Variants in C18orf54 observed in about 807,000 individuals in gnomAD.
C18orf54 encodes lung adenoma susceptibility protein 2.
C18orf54 carries 49 observed loss-of-function variants against 49.3 expected under a neutral mutation model. That is an observed-to-expected ratio of 0.99 (90% CI 0.79 to 1.26). The LOEUF is 1.26. Among genes scored for constraint, C18orf54 ranks in the 50% most tolerant of loss-of-function variants. The pLI, the probability that C18orf54 is intolerant of heterozygous loss-of-function variation, is 0.00. For synonymous variants in C18orf54, 211 were observed against 216.6 expected (o/e 0.97, Z 0.23); for missense variants, 687 against 620.6 (o/e 1.11, Z -1.14).
At chr18:54,377,568 C>T (rs532842998) in intron 8 of C18orf54, among the ~76,000 whole-genome samples, 2 of 152,142 alleles carry the variant, frequency 1.3e-5, no homozygotes, top group East Asian at 3.9e-4. Context: ...GAGTTTTCTC[C>T]ACTGAGACCT....
At position 54,360,868 on chromosome 18, in the gene C18orf54, T is replaced by C; in HGVS notation, c.283+13T>C. ...AAACCAAACAATGGTATGCTTTTAT[T>C]CTTTGTTTTCTTTGTGTTCAGATGT... On this transcript the variant is annotated intron_variant, in intron 3 of 8. Coordinates refer to ENST00000620105, the MANE Select transcript of C18orf54 (RefSeq NM_001288980.2). 1 of 1,595,104 alleles carries C rather than the reference T, an allele frequency of 6.3e-7. No individual in the cohort carries two copies. The highest frequency in any genetic ancestry group is 8.6e-7 in the Non-Finnish European group (1 of 1,167,938).
chr18:54,362,497 A>T, intron 4 of C18orf54, 66 bp downstream of exon 4: 1 of 1,304,318 alleles, frequency 7.7e-7, no homozygotes, highest in Non-Finnish European at 1.0e-6. Flanking sequence ...GAAGTGCTGT[A>T]AAGTTGATGT....
At chr18:54,366,589 A>T (rs1359568927) in intron 6 of C18orf54, among the ~76,000 whole-genome samples, 1 of 152,060 alleles carries the variant, frequency 6.6e-6, no homozygotes. Flanking sequence ...GCTGCAGTAA[A>T]CATCAGTAAA....
At chr18:54,372,374 A>T in intron 6 of C18orf54, 92 bp from the exon 7 acceptor site, 1 of 1,197,152 alleles carries the variant, frequency 8.4e-7, no homozygotes, top group Non-Finnish European at 1.1e-6. Flanking sequence ...GTTTTACATT[A>T]ATTTTCTATT....
intron 6 of C18orf54, among the ~76,000 whole-genome samples, chr18:54,370,322 A>C (rs1049311088): frequency 1.3e-5 from 2 of 152,112 alleles, no homozygotes; most frequent in Admixed American, 1.3e-4. Flanking sequence ...AAGTATTTAC[A>C]TACTGTTGAC....
In C18orf54 at chr18:54,362,412, A is replaced by G. The variant is rs747511527; in HGVS notation, c.1053A>G (p.Gln351=). The change falls in exon 4 of 9, where the codon CAA becomes CAG. Residue 351 remains glutamine (Q), a synonymous_variant. Coordinates refer to ENST00000620105, the MANE Select transcript of C18orf54 (RefSeq NM_001288980.2). ...CQCENPLLPG[Q]STKPFSGDKI... ...GTGAGAATCCACTTCTCCCAGGACA[A>G]TCCACAAAGCCATTCAGTGGTAATA... 2.6e-6 allele frequency: 4 copies of G among 1,521,920 alleles called. No homozygotes were observed. The highest frequency in any genetic ancestry group is 2.6e-6 in the Non-Finnish European group (3 of 1,139,560). The allele number at this position is 1,521,920 out of a possible 1,614,324, so 94.3% of individuals were successfully genotyped here. A position where few individuals can be genotyped will look rare whatever the true frequency, so the allele number is the denominator to read the frequency against.
chr18:54,367,183 T>C (rs920120850), intron 6 of C18orf54, among the ~76,000 whole-genome samples: 2 of 152,166 alleles, frequency 1.3e-5, no homozygotes, highest in African/African-American at 2.4e-5. Context: ...AGTGAGGACG[T>C]ATTCCTGTCA....
In C18orf54 at chr18:54,361,697, A is replaced by G; in HGVS notation, c.338A>G (p.His113Arg). The change falls in exon 4 of 9, where the codon CAC (histidine) becomes CGC (arginine). Residue 113 changes from histidine to arginine, a missense_variant. By Grantham distance (29) the His-to-Arg change is conservative. Coordinates refer to ENST00000620105, the MANE Select transcript of C18orf54 (RefSeq NM_001288980.2). ...TCAAACTTCATATCCTGTAGAAGAC[A>G]CACCGTTAATGACATAGACTCCATG... is the stretch of plus-strand genomic sequence containing the variant. ...KHSNFISCRR[H>R]TVNDIDSMSL... The G allele has an allele frequency of 2.5e-6, 4 of 1,613,218 alleles. No individual in the cohort carries two copies. Among genetic ancestry groups the G allele is most frequent in the Non-Finnish European group, 3.4e-6 (4 of 1,179,702 alleles).
rs753738818 is a variant in C18orf54, at chr18:54,370,495, C to T, written c.1327-1971C>T. Among the ~76,000 whole-genome samples, 6 of 152,166 alleles carry T rather than the reference C, an allele frequency of 3.9e-5. No individual in the cohort carries two copies. The East Asian group carries it at 7.7e-4, about 20-fold the overall frequency. ...TGGAAACAGTCTCCCAAGAAAACAG[C>T]GATGACTATATATTGGGTTGTCCTC... is the stretch of plus-strand genomic sequence containing the variant. On this transcript the variant is annotated intron_variant, in intron 6 of 8. Transcript: ENST00000620105.
intron 8 of C18orf54, among the ~76,000 whole-genome samples, chr18:54,376,283 A>G (rs1045921438): frequency 6.6e-6 from 1 of 152,212 alleles, no homozygotes; most frequent in Non-Finnish European, 1.5e-5. Context: ...CAGTTTTCTT[A>G]TATTCTTCAA....
chr18:54,376,454 C>T (rs1033107749), intron 8 of C18orf54, among the ~76,000 whole-genome samples: 15 of 151,930 alleles, frequency 9.9e-5, no homozygotes, highest in Admixed American at 3.3e-4. Context: ...CTGCCTCGGC[C>T]TTCCAAAGTG....
At chr18:54,366,495 G>A (rs939623104) in intron 6 of C18orf54, among the ~76,000 whole-genome samples, 9 of 151,940 alleles carry the variant, frequency 5.9e-5, no homozygotes, top group African/African-American at 2.2e-4. Flanking sequence ...ATATTCTGTT[G>A]TCTATATATG....
chr18:54,376,225 A>G (rs563829337), intron 8 of C18orf54, among the ~76,000 whole-genome samples: 3 of 152,346 alleles, frequency 2.0e-5, no homozygotes, highest in African/African-American at 4.8e-5. Flanking sequence ...CATTAGCCAT[A>G]GGGAACTGTA....
rs763815435 is a variant in C18orf54 at position 54,361,622 on chromosome 18, A to G, written c.284-21A>G. The G allele has an allele frequency of 3.5e-5, 55 of 1,558,380 alleles. No homozygotes were observed. In the Middle Eastern group the frequency reaches 6.9e-4, roughly 20 times the overall value. ...ATAAAATATTTGTATGTAATAAACA[A>G]AACTGTTCTTCGTTTTTCAGCTTTT... On this transcript the variant is annotated intron_variant, in intron 3 of 8. Transcript: ENST00000620105.
chr18:54,374,249 G>A lies in C18orf54; in HGVS notation c.1494G>A (p.Lys498=), dbSNP rs2089534538. ...SEDDFSKLQL[K]ESMIPITRSL... is the part of the protein sequence containing the mutation. ...ATGATTTCTCTAAATTACAGTTGAAGGAAAGTATGATTCCTATTACTAGGT... is the reference window on the plus strand; with the variant it reads ...ATGATTTCTCTAAATTACAGTTGAAAGAAAGTATGATTCCTATTACTAGGT... The change falls in exon 8 of 9, where the codon AAG becomes AAA. Residue 498 remains lysine (K), a synonymous_variant. Coordinates refer to ENST00000620105, the MANE Select transcript of C18orf54 (RefSeq NM_001288980.2). 6.3e-7 allele frequency: 1 copy of A among 1,583,856 alleles called. No individual in the cohort carries two copies. The highest frequency in any genetic ancestry group is 1.4e-5 in the African/African-American group (1 of 73,984).
In C18orf54 at chr18:54,362,334, T is replaced by C. The variant is rs142068230; in HGVS notation, c.975T>C (p.Asp325=). The C allele has an allele frequency of 2.9e-3, 4,434 of 1,535,992 alleles. 14 individuals carry two copies. The highest frequency in any genetic ancestry group is 3.7e-3 in the Non-Finnish European group (4,214 of 1,146,746). ...PSNFSNSLSD[D]KELVNEYKCD... ...ACTTTTCAAATTCCTTGAGTGATGATAAAGAATTAGTTAATGAATACAAAT... is the reference window on the plus strand; with the variant it reads ...ACTTTTCAAATTCCTTGAGTGATGACAAAGAATTAGTTAATGAATACAAAT... Residue 325 remains aspartate, a synonymous_variant, in exon 4 of 9, where the codon GAT becomes GAC. Transcript: ENST00000620105.
intron 5 of C18orf54, among the ~76,000 whole-genome samples, chr18:54,364,306 G>A (rs2089335804): frequency 6.6e-6 from 1 of 152,044 alleles, no homozygotes; most frequent in Non-Finnish European, 1.5e-5. Context: ...GGGCAAGCAA[G>A]TAGTATCAGA....
At chr18:54,371,499 A>G (rs981948331) in intron 6 of C18orf54, among the ~76,000 whole-genome samples, 1 of 152,108 alleles carries the variant, frequency 6.6e-6, no homozygotes, top group Non-Finnish European at 1.5e-5. Flanking sequence ...TCTTTTGGAT[A>G]TATACCTAAG....
chr18:54,362,903 A>T lies in C18orf54; in HGVS notation c.1205A>T (p.Glu402Val). The part of the protein sequence containing the change: ...LDKLEADRSW[E>V]NIPVTFKSPV... ...AAACTTGAAGCAGACAGATCATGGGAAAATATTCCTGTTACTTTGTAAGTA... is the reference window on the plus strand; with the variant it reads ...AAACTTGAAGCAGACAGATCATGGGTAAATATTCCTGTTACTTTGTAAGTA... Residue 402 changes from glutamate (E) to valine (V), a missense_variant, in exon 5 of 9, where the codon GAA becomes GTA. Glu to Val is a moderately radical substitution (Grantham distance 121). Transcript: ENST00000620105. 6.3e-7 allele frequency: 1 copy of T among 1,596,680 alleles called. No homozygotes were observed. The highest frequency in any genetic ancestry group is 1.2e-5 in the South Asian group (1 of 86,470).
Sources: allele counts gnomAD v4.1 joint callset (sites outside exome capture counted in the v4.1 genomes callset), GRCh38; gene constraint gnomAD v4.1.1; transcripts MANE v1.5; gene names NCBI Gene and HGNC (gene_info 2026-07-23, HGNC 2026-07-21).